Variants in FHL2 observed in about 807,000 individuals in gnomAD.
FHL2 encodes four and a half LIM domains 2, also known as four and a half LIM domains protein 2.
FHL2 carries 20 observed loss-of-function variants against 32.7 expected under a neutral mutation model. That is an observed-to-expected ratio of 0.61 (90% CI 0.43 to 0.89). The LOEUF (loss-of-function observed/expected upper bound fraction) is 0.89, where lower values mean the gene tolerates loss of function less well. Ranked by LOEUF, FHL2 falls within the 40% of genes least tolerant of loss-of-function variation. The pLI is 0.00. For synonymous variants in FHL2, 123 were observed against 128.1 expected (o/e 0.96, Z 0.27); for missense variants, 311 against 358.6 (o/e 0.87, Z 1.07).
At chr2:105,408,747 A>G (rs780529255) in intron 1 of FHL2, among the ~76,000 whole-genome samples, 13 of 152,182 alleles carry the variant, frequency 8.5e-5, no homozygotes, top group Non-Finnish European at 1.2e-4. Context: ...GATTGCCACT[A>G]TGATGTTCAT....
At chr2:105,402,802 A>T (rs1013034999), upstream of FHL2, among the ~76,000 whole-genome samples, 2 of 152,254 alleles carry the variant, frequency 1.3e-5, no homozygotes, top group African/African-American at 4.8e-5. Flanking sequence ...ACATCATTAT[A>T]TTCCTAGGAC....
At chr2:105,401,863 G>A (rs544450950), upstream of FHL2, among the ~76,000 whole-genome samples, 36 of 152,092 alleles carry the variant, frequency 2.4e-4, no homozygotes, top group African/African-American at 7.7e-4. Context: ...ATTTATAAGC[G>A]GTTGCTTCTG....
chr2:105,418,434 A>C (rs1264848152), intron 1 of FHL2, among the ~76,000 whole-genome samples: 3 of 152,070 alleles, frequency 2.0e-5, no homozygotes, highest in Admixed American at 6.6e-5. Flanking sequence ...ACATCAACAA[A>C]AAAAAAACAA....
intron 1 of FHL2, among the ~76,000 whole-genome samples, chr2:105,421,785 C>A (rs566194181): frequency 6.6e-6 from 1 of 152,308 alleles, no homozygotes; most frequent in Non-Finnish European, 1.5e-5. Flanking sequence ...AATGGAGGCA[C>A]TTCTGTGATG....
At position 105,373,147 on chromosome 2, in the gene FHL2, G is replaced by A. The variant is rs536512809; in HGVS notation, c.331+412C>T. 5.9e-5 allele frequency among the ~76,000 whole-genome samples: 9 copies of A among 152,340 alleles called. No individual in the cohort carries two copies. In the East Asian group the frequency reaches 1.4e-3, roughly 23 times the overall value. On this transcript the variant is annotated intron_variant, in intron 4 of 6. Transcript: ENST00000530340. ...CTCACACCCTACGAATGCTCAGCTC[G>A]AGCCCAGTGCCTGGCACGCAAGGGC...
downstream of FHL2, chr2:105,357,965 GTT>G (rs1680082916): frequency 6.6e-6 from 1 of 152,136 alleles, no homozygotes; most frequent in African/African-American, 2.4e-5. Flanking sequence ...TTTCAAGTTT[GTT>G]TCACATCTGA....
At chr2:105,406,698 G>T (rs1453488902) in intron 1 of FHL2, among the ~76,000 whole-genome samples, 8 of 152,184 alleles carry the variant, frequency 5.3e-5, no homozygotes, top group African/African-American at 1.9e-4. Flanking sequence ...CTAAGAATAT[G>T]TTTGGAAAAT....
chr2:105,417,910 C>G (rs1415598202), intron 1 of FHL2, among the ~76,000 whole-genome samples: 1 of 152,012 alleles, frequency 6.6e-6, no homozygotes, highest in Non-Finnish European at 1.5e-5. Context: ...CACTAGGAGT[C>G]TTCCCACCAC....
In FHL2 at chr2:105,367,805, T is replaced by C. The variant is rs80228095; in HGVS notation, c.332-66A>G. On this transcript the variant is annotated intron_variant, in intron 4 of 6. Coordinates refer to ENST00000530340, the MANE Select transcript of FHL2 (RefSeq NM_001318895.3). ...AGAGGGGTGTGGAGTCCCAGCAATC[T>C]GCCTTCAGAGCTTGCTGCCCTCTAG... 2.0e-3 allele frequency: 3,012 copies of C among 1,518,386 alleles called. 43 individuals are homozygous for C. In the African/African-American group the frequency reaches 0.037, roughly 18 times the overall value. 94.1% of individuals were successfully genotyped at this position (1,518,386 alleles called of 1,614,324 possible).
intron 1 of FHL2, among the ~76,000 whole-genome samples, chr2:105,431,786 T>A (rs564307820): frequency 1.3e-5 from 2 of 152,220 alleles, no homozygotes; most frequent in South Asian, 2.1e-4. Context: ...TGGGCTCACA[T>A]TGGCCTCTGG....
chr2:105,382,895 TA>T (rs1251007379), intron 3 of FHL2, among the ~76,000 whole-genome samples: 4 of 152,204 alleles, frequency 2.6e-5, no homozygotes, highest in African/African-American at 9.6e-5. Flanking sequence ...TTTTTATTTT[TA>T]TTTTTTTAAG....
At chr2:105,431,314 A>G (rs1684424362) in intron 1 of FHL2, among the ~76,000 whole-genome samples, 3 of 152,230 alleles carry the variant, frequency 2.0e-5, no homozygotes, top group Non-Finnish European at 4.4e-5. Context: ...ATTTTATTGG[A>G]GGAGAGATAA....
chr2:105,357,926 G>A (rs960085402), downstream of FHL2: 1 of 152,196 alleles, frequency 6.6e-6, no homozygotes, highest in African/African-American at 2.4e-5. Flanking sequence ...GCTCTTTGCT[G>A]ATGGATCTGT....
rs1573274008 is a variant in FHL2, at chr2:105,363,354, C to T, written c.619G>A (p.Ala207Thr). The change falls in exon 6 of 7, where the codon GCC (alanine) becomes ACC (threonine). Residue 207 changes from alanine (A) to threonine (T), a missense_variant. Coordinates refer to ENST00000530340, the MANE Select transcript of FHL2 (RefSeq NM_001318895.3). Reference protein sequence around the residue: ...GQRFTARDDFAYCLNCFCDLY... With the variant: ...GQRFTARDDFTYCLNCFCDLY... ...TCACAGAAGCAGTTCAGGCAGTAGG[C>T]AAAGTCATCGCGAGCTGTGAAGCGC... is the stretch of plus-strand genomic sequence containing the variant. 1 of 1,614,206 alleles carries T rather than the reference C, an allele frequency of 6.2e-7. No individual in the cohort carries two copies. The highest frequency in any genetic ancestry group is 8.5e-7 in the Non-Finnish European group (1 of 1,180,034).
At chr2:105,417,967 T>C (rs1302607260) in intron 1 of FHL2, among the ~76,000 whole-genome samples, 1 of 152,128 alleles carries the variant, frequency 6.6e-6, no homozygotes, top group East Asian at 1.9e-4. Flanking sequence ...AGATGAGTCA[T>C]ATCTTAATAG....
intron 1 of FHL2, among the ~76,000 whole-genome samples, chr2:105,405,991 A>C (rs1683619577): frequency 6.6e-6 from 1 of 152,254 alleles, no homozygotes; most frequent in Non-Finnish European, 1.5e-5. Flanking sequence ...TCCTGTGGCT[A>C]ATTCTGCCCC....
downstream of FHL2, chr2:105,359,697 T>C (rs1443819748): frequency 2.6e-5 from 4 of 152,318 alleles, no homozygotes; most frequent in Non-Finnish European, 5.9e-5. Flanking sequence ...AGAATGTTAT[T>C]TTTACTGTAA....
intron 5 of FHL2, among the ~76,000 whole-genome samples, chr2:105,366,905 C>A (rs1317995218): frequency 1.3e-5 from 2 of 152,016 alleles, no homozygotes; most frequent in African/African-American, 2.4e-5. Flanking sequence ...GCCACCACAC[C>A]CAGCTAAGTT....
intron 3 of FHL2, among the ~76,000 whole-genome samples, chr2:105,381,830 C>G (rs1681914358): frequency 6.6e-6 from 1 of 152,246 alleles, no homozygotes; most frequent in Non-Finnish European, 1.5e-5. Flanking sequence ...TAAAAAAGCA[C>G]CAGGTTGGCA....
Sources: allele counts gnomAD v4.1 joint callset (sites outside exome capture counted in the v4.1 genomes callset), GRCh38; gene constraint gnomAD v4.1.1; transcripts MANE v1.5; gene names NCBI Gene and HGNC (gene_info 2026-07-23, HGNC 2026-07-21).